Variants in ITPKB observed in about 807,000 individuals in gnomAD.
The protein encoded by ITPKB is inositol-trisphosphate 3-kinase B.
ITPKB carries 13 observed loss-of-function variants against 69.4 expected under a neutral mutation model. The ratio of observed to expected loss-of-function variants is 0.19; its 90% CI spans 0.12 to 0.30. The LOEUF is 0.30. Among genes scored for constraint, ITPKB ranks in the 10% least tolerant of loss-of-function variants. ITPKB has a pLI of 1.00. For synonymous variants in ITPKB, 584 were observed against 513.7 expected, an observed-to-expected ratio of 1.14 and a Z score of -1.85; for missense variants, 1,240 against 1,250.5, an observed-to-expected ratio of 0.99 and a Z score of 0.13.
intron 2 of ITPKB, among the ~76,000 whole-genome samples, chr1:226,728,736 C>T (rs1249044698): frequency 1.3e-5 from 2 of 152,206 alleles, no homozygotes; most frequent in African/African-American, 2.4e-5. Flanking sequence ...ATAAACATGA[C>T]ATAATTGAAC....
At chr1:226,718,248 C>T (rs555787964) in intron 2 of ITPKB, among the ~76,000 whole-genome samples, 250 of 147,146 alleles carry the variant, frequency 1.7e-3, no homozygotes, top group Non-Finnish European at 2.7e-3. Flanking sequence ...GAGCCAAGAT[C>T]GCACCACTGC....
intron 2 of ITPKB, among the ~76,000 whole-genome samples, chr1:226,728,652 C>T (rs577301405): frequency 6.6e-6 from 1 of 152,324 alleles, no homozygotes; most frequent in South Asian, 2.1e-4. Flanking sequence ...TAATCCCCAA[C>T]CCTGCAACTG....
At chr1:226,723,911 A>C (rs1229502537) in intron 2 of ITPKB, among the ~76,000 whole-genome samples, 1 of 152,110 alleles carries the variant, frequency 6.6e-6, no homozygotes, top group African/African-American at 2.4e-5. Flanking sequence ...CCCTGGAAAA[A>C]TAAATCCTGC....
chr1:226,730,370 A>T (rs1047411536), intron 2 of ITPKB, among the ~76,000 whole-genome samples: 1 of 152,216 alleles, frequency 6.6e-6, no homozygotes, highest in Non-Finnish European at 1.5e-5. Flanking sequence ...AAATTACCAA[A>T]GAGTTCATAG....
chr1:226,733,029 T>C (rs708773), intron 2 of ITPKB, among the ~76,000 whole-genome samples: 42,732 of 152,002 alleles, frequency 0.28, 6,166 homozygotes, highest in Admixed American at 0.31. Flanking sequence ...ACAATCTCAG[T>C]GTCTAGTGTG....
chr1:226,730,977 G>T (rs1438352799), intron 2 of ITPKB, among the ~76,000 whole-genome samples: 1 of 152,178 alleles, frequency 6.6e-6, no homozygotes. Context: ...ACCTAAAAGC[G>T]GGTGAGTCTT....
chr1:226,654,018 G>A (rs1482822304), intron 2 of ITPKB, among the ~76,000 whole-genome samples: 1 of 152,148 alleles, frequency 6.6e-6, no homozygotes, highest in Non-Finnish European at 1.5e-5. Flanking sequence ...AGGGAAAGAT[G>A]GAGCTTCAAT....
At chr1:226,652,763 C>T (rs888773836) in intron 2 of ITPKB, among the ~76,000 whole-genome samples, 25 of 152,232 alleles carry the variant, frequency 1.6e-4, no homozygotes, top group African/African-American at 4.8e-4. Flanking sequence ...GGACACCTCC[C>T]GGAGTGCTCC....
At chr1:226,709,124 A>G (rs557531620) in intron 2 of ITPKB, among the ~76,000 whole-genome samples, 1 of 152,350 alleles carries the variant, frequency 6.6e-6, no homozygotes, top group Admixed American at 6.5e-5. Flanking sequence ...TCCTTTCTGG[A>G]TTCACCCATT....
chr1:226,699,500 G>A (rs1488828843), intron 2 of ITPKB, among the ~76,000 whole-genome samples: 3 of 150,806 alleles, frequency 2.0e-5, no homozygotes, highest in Non-Finnish European at 3.0e-5. Flanking sequence ...CACCTCTGGA[G>A]TCTCAGTTTC....
chr1:226,635,780 G>T (rs1375330204), intron 7 of ITPKB, among the ~76,000 whole-genome samples: 1 of 152,266 alleles, frequency 6.6e-6, no homozygotes. Flanking sequence ...CTGGCCCAGG[G>T]ATAGTGGGCA....
intron 2 of ITPKB, among the ~76,000 whole-genome samples, chr1:226,705,827 T>C (rs967801138): frequency 8.5e-5 from 13 of 152,236 alleles, no homozygotes; most frequent in Middle Eastern, 3.4e-3. Context: ...TTCTTAGGAC[T>C]CCCTGTCAGG....
chr1:226,725,696 G>A (rs1039720269), intron 2 of ITPKB, among the ~76,000 whole-genome samples: 3 of 152,138 alleles, frequency 2.0e-5, no homozygotes, highest in African/African-American at 7.2e-5. Flanking sequence ...AGCCTTCCCT[G>A]GTGTCTGTTA....
intron 2 of ITPKB, among the ~76,000 whole-genome samples, chr1:226,702,823 C>A (rs1656700946): frequency 6.6e-6 from 1 of 152,164 alleles, no homozygotes; most frequent in African/African-American, 2.4e-5. Context: ...GGTCCCCTGG[C>A]ATTTTTTGTG....
chr1:226,669,128 C>T lies in ITPKB; in HGVS notation c.1933-20357G>A, dbSNP rs572007501. On this transcript the variant is annotated intron_variant, in intron 2 of 7. Transcript: ENST00000429204. The stretch of plus-strand genomic sequence containing the variant: ...AGAGGGGAGTATTTTAAAAAATCTA[C>T]TCCTGAGCTGGGCATGGTGGCTCAC... The T allele has an allele frequency of 3.3e-5, 5 of 152,238 alleles. No homozygotes were observed. The South Asian group carries it at 8.3e-4, about 25-fold the overall frequency. 9.4% of individuals were successfully genotyped at this position (152,238 alleles called of 1,614,324 possible).
chr1:226,636,211 G>A lies in ITPKB; in HGVS notation c.2626-1325C>T, dbSNP rs571053606. Among the ~76,000 whole-genome samples, 35 of 152,338 alleles carry A rather than the reference G, an allele frequency of 2.3e-4. 1 individual carries two copies. Among genetic ancestry groups the A allele is most frequent in the Admixed American group, 6.5e-4 (10 of 15,312 alleles). On this transcript the variant is annotated intron_variant, in intron 7 of 7. Transcript: ENST00000429204. ...CAGGCAGCCAGGCAGCACCCCCATC[G>A]TCCAGAGAGGCAGCTGGGGCAAAGG...
In ITPKB at chr1:226,642,701, GGTCT is replaced by G. The variant is rs1668986153; in HGVS notation, c.2247-580_2247-577del. Among the ~76,000 whole-genome samples, 1 of 152,032 alleles carries G rather than the reference GGTCT, an allele frequency of 6.6e-6. No homozygotes were observed. The highest frequency in any genetic ancestry group is 1.5e-5 in the Non-Finnish European group (1 of 67,998). ...AGCTAAGAGAGGGGACTGGGGGCAGGGTCTACTCAGGGCCCCACTAGATCCCCTT... is the reference window on the plus strand; with the variant it reads ...AGCTAAGAGAGGGGACTGGGGGCAGGACTCAGGGCCCCACTAGATCCCCTT... On this transcript the variant is annotated intron_variant, in intron 4 of 7. Coordinates refer to ENST00000429204, the MANE Select transcript of ITPKB (RefSeq NM_002221.4). The surrounding 1 kb of genome is among the most constrained non-coding windows in gnomAD (Gnocchi z 6.4).
At chr1:226,692,482 A>G (rs1656381479) in intron 2 of ITPKB, among the ~76,000 whole-genome samples, 1 of 152,208 alleles carries the variant, frequency 6.6e-6, no homozygotes, top group South Asian at 2.1e-4. Flanking sequence ...AAGGGGGTAA[A>G]CTTCTAAAGA....
intron 2 of ITPKB, among the ~76,000 whole-genome samples, chr1:226,703,158 G>A (rs1237418700): frequency 1.3e-5 from 2 of 152,114 alleles, no homozygotes; most frequent in Non-Finnish European, 2.9e-5. Flanking sequence ...ATGTCTGAGT[G>A]GGTGAAGGAA....
Sources: allele counts gnomAD v4.1 joint callset (sites outside exome capture counted in the v4.1 genomes callset), GRCh38; gene constraint gnomAD v4.1.1; non-coding constraint Gnocchi (gnomAD v3.1); transcripts MANE v1.5; gene names NCBI Gene and HGNC (gene_info 2026-07-23, HGNC 2026-07-21).